Variants in KDM5C observed in about 807,000 individuals in gnomAD.
The protein encoded by KDM5C is lysine demethylase 5C.
Under a neutral mutation model 110.6 loss-of-function variants are expected in KDM5C, and 16 were observed. The ratio of observed to expected loss-of-function variants is 0.14; its 90% CI spans 0.10 to 0.22. The LOEUF is 0.22. KDM5C is among the 10% of genes least tolerant of loss of function. KDM5C has a pLI of 1.00. For missense variants in KDM5C, 681 were observed against 1,300.9 expected, an observed-to-expected ratio of 0.52 and a Z score of 7.33; for synonymous variants, 511 against 520.4, an observed-to-expected ratio of 0.98 and a Z score of 0.24.
intron 10 of KDM5C, among the ~76,000 whole-genome samples, chrX:53,211,177 T>G (rs1032755366): frequency 2.1e-4 from 23 of 111,852 alleles, no homozygotes; most frequent in Non-Finnish European, 1.9e-5. Flanking sequence ...CTCCTGTGCA[T>G]ACAAACCCCA....
rs1556838661 is a variant in KDM5C at position 53,197,818 on chromosome X, G to T, written c.2575C>A (p.Gln859Lys). ...ATGGCGCAAGGCAGGTTGTTCATCT[G>T]GTCCAGAAAGGCCCGGAGCTCAGTC... ...TLTELRAFLD[Q>K]MNNLPCAMHQ... The change falls in exon 18 of 26, where the codon CAG becomes AAG. Residue 859 changes from glutamine to lysine, a missense_variant. This residue lies in a region of KDM5C where 123 missense variants were observed against 169.0 expected (regional missense o/e 0.73). Transcript: ENST00000375401. The T allele has an allele frequency of 8.3e-7, 1 of 1,203,330 alleles. No homozygotes were observed. The highest frequency in any genetic ancestry group is 2.2e-5 in the Admixed American group (1 of 45,177).
chrX:53,185,038 T>A (rs1028110583), intron 25 of KDM5C, among the ~76,000 whole-genome samples: 1 of 112,485 alleles, frequency 8.9e-6, no homozygotes, highest in Admixed American at 9.4e-5. Context: ...TAGTCATATG[T>A]AACACATTCA....
At position 53,193,106 on chromosome X, in the gene KDM5C, C is replaced by A; in HGVS notation, c.4544G>T (p.Gly1515Val). 1 of 1,210,171 alleles carries A rather than the reference C, an allele frequency of 8.3e-7. No homozygotes were observed. Among genetic ancestry groups the A allele is most frequent in the Admixed American group, 2.2e-5 (1 of 45,982 alleles). The change falls in exon 26 of 26, where the codon GGC becomes GTC. Residue 1515 changes from glycine (G) to valine (V), a missense_variant. Around this residue, in one of 14 missense-constraint regions of KDM5C, gnomAD observed 115 missense variants for 120.9 expected, o/e 0.95. Transcript: ENST00000375401. ...EGPPAPIPTT[G>V]SPSTQENQNG... ...CTGGTTCTCCTGGGTGCTGGGGCTGCCAGTGGTGGGGATGGGTGCAGGGGG... is the reference window on the plus strand; with the variant it reads ...CTGGTTCTCCTGGGTGCTGGGGCTGACAGTGGTGGGGATGGGTGCAGGGGG...
At position 53,192,661 on chromosome X, in the gene KDM5C, G is replaced by A. The variant is rs1177977342; in HGVS notation, c.*306C>T. The A allele has an allele frequency of 3.9e-6, 4 of 1,019,610 alleles. No homozygotes were observed. The highest frequency in any genetic ancestry group is 5.4e-6 in the Non-Finnish European group (4 of 744,589). The allele number at this position is 1,019,610 out of a possible 1,213,427, so 84.0% of individuals were successfully genotyped here. A position where few individuals can be genotyped will look rare whatever the true frequency, so the allele number is the denominator to read the frequency against. ...ATACACTGGCCTTGTCTCTGGAATG[G>A]TGATGGCCCAGCCCCAGCCACCCCC... is the stretch of plus-strand genomic sequence containing the variant. On this transcript the variant is annotated 3_prime_UTR_variant, in exon 26 of 26. Coordinates refer to ENST00000375401, the MANE Select transcript of KDM5C (RefSeq NM_004187.5).
chrX:53,192,527 TAGGA>T lies in KDM5C; in HGVS notation c.*436_*439del. ...AGGGGAAGGGAGAGGGAGAAGGGGGTAGGAAGGAAGGAAAAGAGGGGAGGAGAGT... is the reference window on the plus strand; with the variant it reads ...AGGGGAAGGGAGAGGGAGAAGGGGGTAGGAAGGAAAAGAGGGGAGGAGAGT... On this transcript the variant is annotated 3_prime_UTR_variant, in exon 26 of 26. Coordinates refer to ENST00000375401, the MANE Select transcript of KDM5C (RefSeq NM_004187.5). 3.2e-6 allele frequency: 1 copy of T among 312,509 alleles called. No homozygotes were observed. The highest frequency in any genetic ancestry group is 5.8e-5 in the Admixed American group (1 of 17,360). 25.8% of individuals were successfully genotyped at this position (312,509 alleles called of 1,213,427 possible). A position where few individuals can be genotyped will look rare whatever the true frequency, so the allele number is the denominator to read the frequency against.
chrX:53,202,033 C>G, intron 12 of KDM5C, 60 bp from the exon 13 acceptor site: 5 of 1,184,471 alleles, frequency 4.2e-6, no homozygotes, highest in Non-Finnish European at 5.7e-6. Context: ...ACAGACCTGA[C>G]TTAAGTGCAA....
chrX:53,225,058 T>C lies in KDM5C; in HGVS notation c.-169A>G. The stretch of plus-strand genomic sequence containing the variant: ...GCGTGTGGCCGTCGTGCTCTGAGAG[T>C]CTCAGGCTGACTCTACTGCTACCGC... On this transcript the variant is annotated 5_prime_UTR_variant, in exon 1 of 26. Transcript: ENST00000375401. 2 of 542,759 alleles carry C rather than the reference T, an allele frequency of 3.7e-6. No homozygotes were observed. The highest frequency in any genetic ancestry group is 5.8e-4 in the Middle Eastern group (1 of 1,713). The allele number at this position is 542,759 out of a possible 1,213,427, so 44.7% of individuals were successfully genotyped here. A position where few individuals can be genotyped will look rare whatever the true frequency, so the allele number is the denominator to read the frequency against.
At chrX:53,204,188 G>T (rs1569268220) in intron 12 of KDM5C, among the ~76,000 whole-genome samples, 1 of 109,183 alleles carries the variant, frequency 9.2e-6, no homozygotes. Flanking sequence ...TTTAGTTTGG[G>T]AAACTCCAGG....
chrX:53,219,290 C>A (rs2073834694), intron 2 of KDM5C, among the ~76,000 whole-genome samples: 1 of 112,734 alleles, frequency 8.9e-6, no homozygotes, highest in African/African-American at 3.2e-5. Flanking sequence ...AAGCTCTAGG[C>A]ATGTTTCAGA....
chrX:53,197,240 C>T (rs182709098), intron 18 of KDM5C, among the ~76,000 whole-genome samples, 196 bp from the exon 19 acceptor site: 1 of 111,689 alleles, frequency 9.0e-6, no homozygotes, highest in South Asian at 3.7e-4. Context: ...ATTAGAATGC[C>T]CTGGGGAATT....
intron 1 of KDM5C, chrX:53,221,619 T>C (rs2073899873): frequency 1.2e-5 from 7 of 578,928 alleles, no homozygotes; most frequent in Non-Finnish European, 1.8e-5. Flanking sequence ...GTTCTCTCAG[T>C]TTAAAGGGCC....
At chrX:53,176,457 A>AG (rs1933886753) in exon 26 of KDM5C, among the ~76,000 whole-genome samples, 1 of 111,918 alleles carries the variant, frequency 8.9e-6, no homozygotes, top group Admixed American at 9.5e-5. Flanking sequence ...TGGTTGGATG[A>AG]GGGGTCTGGT....
intron 12 of KDM5C, among the ~76,000 whole-genome samples, chrX:53,206,564 G>A (rs1041976020): frequency 5.4e-5 from 6 of 111,166 alleles, no homozygotes; most frequent in African/African-American, 2.0e-4. Flanking sequence ...TAGGTACATA[G>A]GTACTTTTAA....
chrX:53,211,062 G>A (rs1312517641), intron 10 of KDM5C, among the ~76,000 whole-genome samples: 1 of 111,236 alleles, frequency 9.0e-6, no homozygotes, highest in Non-Finnish European at 1.9e-5. Flanking sequence ...CAATTTCTAC[G>A]AAGTTTACCG....
rs1934546840 is a variant in KDM5C, at chrX:53,193,144, A to C, written c.4506T>G (p.Thr1502=). The C allele has an allele frequency of 2.5e-6, 3 of 1,210,458 alleles. No homozygotes were observed. Among genetic ancestry groups the C allele is most frequent in the Non-Finnish European group, 3.4e-6 (3 of 895,011 alleles). ...VQEEEELEEE[T]GGEGPPAPIP... is the part of the protein sequence containing the mutation. ...TGGGTGCAGGGGGGCCCTCACCCCC[A>C]GTCTCCTCCTCCAGCTCTTCCTCCT... The change falls in exon 26 of 26, where the codon ACT becomes ACG. Residue 1502 remains threonine, a synonymous_variant. Transcript: ENST00000375401.
At position 53,193,013 on chromosome X, in the gene KDM5C, C is replaced by CGGG. The variant is rs1569256115; in HGVS notation, c.4634_4636dup (p.Pro1545dup). ...CTGCTGTGGGCAGGGCAGATGCAGCCGGGGAGTCAGAGTGGAGAAAGGGGC... is the reference window on the plus strand; with the variant it reads ...CTGCTGTGGGCAGGGCAGATGCAGCCGGGGGGGAGTCAGAGTGGAGAAAGGGGC... On this transcript the variant is annotated inframe_insertion, in exon 26 of 26. Transcript: ENST00000375401. 1 of 1,188,828 alleles carries CGGG rather than the reference C, an allele frequency of 8.4e-7. No individual in the cohort carries two copies. The highest frequency in any genetic ancestry group is 2.2e-5 in the Admixed American group (1 of 44,576).
intron 12 of KDM5C, chrX:53,202,441 T>C (rs1028780105): frequency 6.8e-6 from 1 of 146,035 alleles, no homozygotes; most frequent in East Asian, 1.8e-4. Flanking sequence ...TTAAATAACA[T>C]GCTTCTAGAC....
chrX:53,217,414 G>A, intron 4 of KDM5C, 137 bp from the exon 5 acceptor site: 1 of 733,186 alleles, frequency 1.4e-6, no homozygotes, highest in Non-Finnish European at 2.1e-6. Context: ...CTGTTCCACT[G>A]GTCTTTAGCA....
At position 53,196,907 on chromosome X, in the gene KDM5C, C is replaced by T. The variant is rs1374723229; in HGVS notation, c.2760G>A (p.Gln920=). The part of the protein sequence containing the change: ...QLGVEVPEAQ[Q]LQRQVEQARW... ...GCGCCTGTTCCACCTGCCGCTGGAGCTGCTGGGCCTCAGGCACCTCCACCC... is the reference window on the plus strand; with the variant it reads ...GCGCCTGTTCCACCTGCCGCTGGAGTTGCTGGGCCTCAGGCACCTCCACCC... The change falls in exon 19 of 26, where the codon CAG becomes CAA. Residue 920 remains glutamine, a synonymous_variant. Transcript: ENST00000375401. 1 of 1,201,885 alleles carries T rather than the reference C, an allele frequency of 8.3e-7. No individual in the cohort carries two copies. Among genetic ancestry groups the T allele is most frequent in the African/African-American group, 1.7e-5 (1 of 57,380 alleles).
Sources: allele counts gnomAD v4.1 joint callset (sites outside exome capture counted in the v4.1 genomes callset), GRCh38; gene constraint gnomAD v4.1.1; regional missense constraint gnomAD v4.1.1; transcripts MANE v1.5; gene names NCBI Gene and HGNC (gene_info 2026-07-23, HGNC 2026-07-21).